IL26: variants seen among roughly 807,000 people sequenced by gnomAD.
IL26 encodes interleukin 26.
A neutral mutation model predicts 21.7 loss-of-function variants in IL26; 23 were observed. The ratio of observed to expected loss-of-function variants is 1.06; its 90% confidence interval spans 0.76 to 1.50. The LOEUF is 1.50. Among genes scored for constraint, IL26 ranks in the 40% most tolerant of loss-of-function variants. IL26 has a pLI of 0.00. For missense variants in IL26, 204 were observed against 196.0 expected (o/e 1.04, Z -0.24); for synonymous variants, 63 against 67.8 (o/e 0.93, Z 0.34).
At chr12:68,216,336 A>G (rs1868879049) in intron 3 of IL26, among the ~76,000 whole-genome samples, 1 of 152,172 alleles carries the variant, frequency 6.6e-6, no homozygotes, top group African/African-American at 2.4e-5. Flanking sequence ...ACATTATACA[A>G]TATAATACTA....
intron 3 of IL26, among the ~76,000 whole-genome samples, chr12:68,204,352 C>T (rs1425525712): frequency 1.3e-5 from 2 of 151,988 alleles, no homozygotes; most frequent in African/African-American, 2.4e-5. Context: ...ACCGTGTTAG[C>T]CAGGATGGTT....
At chr12:68,204,141 A>AT (rs6144754) in intron 3 of IL26, among the ~76,000 whole-genome samples, 57,979 of 113,232 alleles carry the variant, frequency 0.51, 17,534 homozygotes, top group Middle Eastern at 0.65. Flanking sequence ...GGATTCAAAG[A>AT]TTTTTTTTTT....
chr12:68,225,052 C>A (rs922603257), intron 3 of IL26, 97 bp downstream of exon 3: 16 of 1,265,728 alleles, frequency 1.3e-5, no homozygotes. Context: ...TTACAAAGCT[C>A]GTTTTACTCA....
intron 3 of IL26, among the ~76,000 whole-genome samples, chr12:68,218,211 G>A (rs993298618): frequency 7.0e-6 from 1 of 143,480 alleles, no homozygotes; most frequent in Non-Finnish European, 1.5e-5. Context: ...GTGCAAAGAT[G>A]CTGTAAAATA....
At chr12:68,218,316 C>G (rs1236409620) in intron 3 of IL26, among the ~76,000 whole-genome samples, 1 of 152,028 alleles carries the variant, frequency 6.6e-6, no homozygotes. Context: ...TTAAAAGTTG[C>G]TATAACTCTA....
intron 3 of IL26, among the ~76,000 whole-genome samples, chr12:68,223,883 GGT>G (rs1565740576): frequency 2.4e-5 from 2 of 81,914 alleles, no homozygotes; most frequent in East Asian, 2.7e-4. Flanking sequence ...TAAATTTGGT[GGT>G]TTTTTTTTTT....
intron 3 of IL26, among the ~76,000 whole-genome samples, chr12:68,202,331 CTA>C (rs1868412184): frequency 6.6e-6 from 1 of 152,208 alleles, no homozygotes; most frequent in Non-Finnish European, 1.5e-5. Flanking sequence ...TCTCGAAACT[CTA>C]TGACAGGGAT....
intron 3 of IL26, among the ~76,000 whole-genome samples, chr12:68,210,600 G>A (rs1868697273): frequency 6.6e-6 from 1 of 151,938 alleles, no homozygotes; most frequent in Admixed American, 6.6e-5. Context: ...TTAATAAAAA[G>A]ACAAATATCC....
rs549977999 is a variant in IL26, at chr12:68,207,753, C to T, written c.364-5670G>A. On this transcript the variant is annotated intron_variant, in intron 3 of 4. Coordinates refer to ENST00000229134, the MANE Select transcript of IL26 (RefSeq NM_018402.2). ...AATATTGTATCTTTACCTTTGTTTA[C>T]AAACCAAATGGCTCCATATATGGTC... Among the ~76,000 whole-genome samples the T allele has an allele frequency of 5.3e-5, 8 of 152,240 alleles. No individual in the cohort carries two copies. The South Asian group carries it at 1.7e-3, about 32-fold the overall frequency.
intron 3 of IL26, among the ~76,000 whole-genome samples, chr12:68,224,748 GGA>G (rs1302254414): frequency 7.0e-6 from 1 of 142,450 alleles, no homozygotes; most frequent in South Asian, 2.3e-4. Flanking sequence ...AGGGAAGAAG[GGA>G]GAGAGGGAGA....
At chr12:68,207,634 G>C (rs1032463177) in intron 3 of IL26, among the ~76,000 whole-genome samples, 5 of 152,144 alleles carry the variant, frequency 3.3e-5, no homozygotes, top group Admixed American at 1.3e-4. Flanking sequence ...CATTGGTAAT[G>C]TGCAATTTAC....
intron 3 of IL26, among the ~76,000 whole-genome samples, chr12:68,203,544 G>T (rs1868446964): frequency 6.6e-6 from 1 of 152,192 alleles, no homozygotes; most frequent in Admixed American, 6.5e-5. Context: ...TAAAACTCGT[G>T]AAACGGAAGT....
intron 3 of IL26, among the ~76,000 whole-genome samples, chr12:68,224,852 G>A (rs566155857): frequency 1.3e-5 from 2 of 152,158 alleles, no homozygotes; most frequent in Non-Finnish European, 2.9e-5. Flanking sequence ...GGATTACTTG[G>A]GAATCACATA....
rs183895947 is a variant in IL26, at chr12:68,205,318, C to A, written c.364-3235G>T. Among the ~76,000 whole-genome samples the A allele has an allele frequency of 6.1e-5, 8 of 131,358 alleles. No homozygotes were observed. In the Admixed American group the frequency reaches 6.7e-4, roughly 11 times the overall value. 86.2% of individuals were successfully genotyped at this position (131,358 alleles called of 152,430 possible). On this transcript the variant is annotated intron_variant, in intron 3 of 4. Transcript: ENST00000229134. ...CCCCACCAATGAAGTTAAAAACCTG[C>A]GTAAAACATTAGACCCCCCCCAAAT...
intron 3 of IL26, among the ~76,000 whole-genome samples, chr12:68,210,859 T>G (rs11571035): frequency 1.2e-3 from 184 of 152,356 alleles, no homozygotes; most frequent in African/African-American, 4.3e-3. Flanking sequence ...TTTTCAGTGT[T>G]ATTGTCATTC....
At chr12:68,224,309 TG>T (rs1193267714) in intron 3 of IL26, among the ~76,000 whole-genome samples, 1 of 152,000 alleles carries the variant, frequency 6.6e-6, no homozygotes, top group Non-Finnish European at 1.5e-5. Context: ...TGTTTTGTTT[TG>T]TTTTGTTTTG....
intron 3 of IL26, among the ~76,000 whole-genome samples, chr12:68,223,883 G>GTTTTTTTTTTTT (rs201652400): frequency 2.4e-5 from 2 of 81,914 alleles, no homozygotes; most frequent in African/African-American, 3.5e-5. Flanking sequence ...TAAATTTGGT[G>GTTTTTTTTTTTT]GTTTTTTTTT....
In IL26 at chr12:68,225,620, TAG is replaced by T; in HGVS notation, c.135_136del (p.Ile47GlnfsTer66). On this transcript the variant is annotated frameshift_variant, in exon 1 of 5. Transcript: ENST00000229134. LOFTEE classifies it high-confidence loss of function. Reference sequence around the variant, plus strand: ...TGCTTTGAGCCATGCTGCTTTGATATAGAGAGCGTCAACAGCTTGGGACAATG... The same window carrying T: ...TGCTTTGAGCCATGCTGCTTTGATATAGAGCGTCAACAGCTTGGGACAATG... 1 of 1,614,082 alleles carries T rather than the reference TAG, an allele frequency of 6.2e-7. No homozygotes were observed. Among genetic ancestry groups the T allele is most frequent in the Non-Finnish European group, 8.5e-7 (1 of 1,179,918 alleles).
intron 3 of IL26, among the ~76,000 whole-genome samples, chr12:68,215,209 G>A (rs1032403689): frequency 7.2e-5 from 11 of 152,062 alleles, no homozygotes; most frequent in African/African-American, 2.7e-4. Flanking sequence ...GCAGGTATAG[G>A]TATCCTACCC....
Sources: allele counts gnomAD v4.1 joint callset (sites outside exome capture counted in the v4.1 genomes callset), GRCh38; gene constraint gnomAD v4.1.1; transcripts MANE v1.5; gene names NCBI Gene and HGNC (gene_info 2026-07-23, HGNC 2026-07-21).